GALNT7: variants seen among roughly 807,000 people sequenced by gnomAD.
GALNT7 encodes the protein polypeptide N-acetylgalactosaminyltransferase 7, also known as N-acetylgalactosaminyltransferase 7.
Under a neutral mutation model 82.1 loss-of-function variants are expected in GALNT7, and 60 were observed. That is an observed-to-expected ratio of 0.73 (90% confidence interval 0.59 to 0.91). The LOEUF (loss-of-function observed/expected upper bound fraction) is 0.91, where lower values mean the gene tolerates loss of function less well. GALNT7 is among the 40% of genes least tolerant of loss of function. The pLI, the probability that GALNT7 is intolerant of heterozygous loss-of-function variation, is 0.00. For synonymous variants in GALNT7, 243 were observed against 275.1 expected, an observed-to-expected ratio of 0.88 and a Z score of 1.15; for missense variants, 660 against 804.2, an observed-to-expected ratio of 0.82 and a Z score of 2.17.
chr4:173,245,622 A>G (rs1454572328), intron 1 of GALNT7, among the ~76,000 whole-genome samples: 2 of 152,206 alleles, frequency 1.3e-5, no homozygotes, highest in Non-Finnish European at 2.9e-5. Context: ...TTCAGCATCA[A>G]CAACTGGGAA....
intron 1 of GALNT7, among the ~76,000 whole-genome samples, chr4:173,172,525 G>T (rs1491002398): frequency 6.6e-6 from 1 of 151,924 alleles, no homozygotes; most frequent in Non-Finnish European, 1.5e-5. Context: ...GTGTTGGCGC[G>T]ACCAATTATT....
At chr4:173,290,144 A>G (rs1736482474) in intron 2 of GALNT7, among the ~76,000 whole-genome samples, 2 of 152,156 alleles carry the variant, frequency 1.3e-5, no homozygotes, top group African/African-American at 2.4e-5. Context: ...GAAGATTTCT[A>G]TGCAAGGGCA....
chr4:173,176,892 A>G (rs1732064499), intron 1 of GALNT7, among the ~76,000 whole-genome samples: 2 of 152,228 alleles, frequency 1.3e-5, no homozygotes, highest in Non-Finnish European at 1.5e-5. Context: ...GAAACAGTGC[A>G]AGCTAGATTT....
At chr4:173,172,607 G>A (rs1469020635) in intron 1 of GALNT7, among the ~76,000 whole-genome samples, 1 of 152,130 alleles carries the variant, frequency 6.6e-6, no homozygotes, top group African/African-American at 2.4e-5. Context: ...GTGGTGGGGG[G>A]CCTTTCCTGC....
intron 3 of GALNT7, among the ~76,000 whole-genome samples, chr4:173,294,012 C>CA (rs1469712588): frequency 1.3e-5 from 2 of 152,152 alleles, no homozygotes; most frequent in Non-Finnish European, 2.9e-5. Flanking sequence ...CGAGGAAGGG[C>CA]AGTGAATATT....
intron 2 of GALNT7, among the ~76,000 whole-genome samples, chr4:173,279,857 C>T (rs1410736477): frequency 6.6e-6 from 1 of 152,042 alleles, no homozygotes; most frequent in Non-Finnish European, 1.5e-5. Context: ...TACCTGTAGT[C>T]CCAGCTCTTC....
At chr4:173,222,949 G>A (rs551230390) in intron 1 of GALNT7, among the ~76,000 whole-genome samples, 68 of 152,254 alleles carry the variant, frequency 4.5e-4, no homozygotes, top group South Asian at 1.2e-3. Flanking sequence ...TTAGAGGTTA[G>A]ACTGCTAGTT....
At position 173,217,892 on chromosome 4, in the gene GALNT7, A is replaced by G. The variant is rs1488988955; in HGVS notation, c.127-30088A>G. ...GCTTATAGAAGATTGTGCCTATTGT[A>G]AGATACTCCCTATAAAGCCAAAAGA... On this transcript the variant is annotated intron_variant, in intron 1 of 11. Transcript: ENST00000265000. 7.9e-5 allele frequency among the ~76,000 whole-genome samples: 12 copies of G among 152,210 alleles called. 1 individual carries two copies. Among genetic ancestry groups the G allele is most frequent in the South Asian group, 4.1e-4 (2 of 4,836 alleles).
intron 6 of GALNT7, among the ~76,000 whole-genome samples, chr4:173,299,344 GCTTAA>G (rs1260779457): frequency 2.0e-5 from 3 of 152,018 alleles, no homozygotes; most frequent in South Asian, 2.1e-4. Flanking sequence ...CTGCTTACGT[GCTTAA>G]CTTAACAAAT....
Position 173,168,848 on chromosome 4 carries a change from A to G in GALNT7, c.13A>G (p.Ile5Val). 6.2e-7 allele frequency: 1 copy of G among 1,612,404 alleles called. No homozygotes were observed. The highest frequency in any genetic ancestry group is 1.1e-5 in the South Asian group (1 of 91,030). The change falls in exon 1 of 12, where the codon ATT becomes GTT. Residue 5 changes from isoleucine (I) to valine (V), a missense_variant. This residue lies in a region of GALNT7 where 133 missense variants were observed against 120.7 expected (regional missense o/e 1.10). Transcript: ENST00000265000. MRLK[I>V]GFILRSLLVV... Reference sequence around the variant, plus strand: ...CCGCCGGAGGAAGATGAGGCTGAAGATTGGGTTCATCTTACGCAGTTTGCT... The same window carrying G: ...CCGCCGGAGGAAGATGAGGCTGAAGGTTGGGTTCATCTTACGCAGTTTGCT...
At chr4:173,299,284 T>A (rs1736830794) in intron 6 of GALNT7, among the ~76,000 whole-genome samples, 3 of 152,232 alleles carry the variant, frequency 2.0e-5, no homozygotes, top group African/African-American at 7.2e-5. Flanking sequence ...ATTGGACATT[T>A]ACCAAATTTT....
intron 2 of GALNT7, among the ~76,000 whole-genome samples, chr4:173,264,175 T>TA (rs1389951800): frequency 2.6e-5 from 4 of 152,174 alleles, no homozygotes; most frequent in Non-Finnish European, 4.4e-5. Context: ...TGCTATATGA[T>TA]ACCTGAGTAA....
chr4:173,319,290 AC>A (rs1409751405), intron 11 of GALNT7, among the ~76,000 whole-genome samples: 1 of 151,878 alleles, frequency 6.6e-6, no homozygotes, highest in Non-Finnish European at 1.5e-5. Context: ...AAATCTGTCA[AC>A]CCTCCATTTT....
intron 1 of GALNT7, among the ~76,000 whole-genome samples, chr4:173,245,215 CAAAAAA>C (rs57506967): frequency 8.1e-6 from 1 of 122,852 alleles, no homozygotes. Flanking sequence ...ACCATTAAGT[CAAAAAA>C]AAAAAAAAAA....
intron 1 of GALNT7, among the ~76,000 whole-genome samples, chr4:173,184,494 A>C (rs1732404049): frequency 2.0e-5 from 3 of 151,908 alleles, no homozygotes; most frequent in Admixed American, 1.3e-4. Context: ...GGCACTCGGC[A>C]GGCTGAGGCA....
chr4:173,200,157 CA>C (rs1319503312), intron 1 of GALNT7, among the ~76,000 whole-genome samples: 1 of 152,056 alleles, frequency 6.6e-6, no homozygotes, highest in Non-Finnish European at 1.5e-5. Context: ...TTTAGCTAAC[CA>C]ATTATATATC....
intron 1 of GALNT7, among the ~76,000 whole-genome samples, chr4:173,216,706 C>CATATAT (rs202210734): frequency 5.3e-4 from 30 of 56,966 alleles, no homozygotes; most frequent in African/African-American, 2.4e-3. Flanking sequence ...GTGTACTATT[C>CATATAT]ATATATATAT....
chr4:173,255,752 C>T (rs1309549443), intron 2 of GALNT7, among the ~76,000 whole-genome samples: 1 of 152,072 alleles, frequency 6.6e-6, no homozygotes, highest in Non-Finnish European at 1.5e-5. Flanking sequence ...TGTTCTCTGC[C>T]AAAAGGTGAT....
At chr4:173,182,486 C>T (rs141405671) in intron 1 of GALNT7, among the ~76,000 whole-genome samples, 1 of 152,074 alleles carries the variant, frequency 6.6e-6, no homozygotes, top group South Asian at 2.1e-4. Context: ...TTGAGTGATT[C>T]ATTGGTCAGT....
Sources: gnomAD v4.1 joint callset for allele counts (sites outside exome capture counted in the v4.1 genomes callset) on GRCh38, gnomAD v4.1.1 for gene constraint, gnomAD v4.1.1 regional missense constraint, MANE v1.5 for transcripts, NCBI Gene and HGNC (gene_info 2026-07-23, HGNC 2026-07-21) for gene names.